The following TNKS2 variants were observed in gnomAD, a reference collection of about 807,000 sequenced individuals.
TNKS2 encodes the protein tankyrase 2, also known as poly [ADP-ribose] polymerase tankyrase-2.
Under a neutral mutation model 137.6 loss-of-function variants are expected in TNKS2, and 72 were observed. The observed-to-expected ratio is 0.52, with a 90% confidence interval of 0.43 to 0.64. The LOEUF (loss-of-function observed/expected upper bound fraction) is 0.64. Among genes scored for constraint, TNKS2 ranks in the 30% least tolerant of loss-of-function variants. The probability of loss-of-function intolerance (pLI) is 0.00; values close to 1 mark genes in which losing one functional copy is unlikely to be tolerated. For missense variants in TNKS2, 1,049 were observed against 1,410.2 expected (o/e 0.74, Z 4.10); for synonymous variants, 516 against 512.1 (o/e 1.01, Z -0.10).
rs372600217 is a variant in TNKS2, at chr10:91,822,370, C to G, written c.795+8C>G. Reference sequence around the variant, plus strand: ...ACTGAACTTTTGGTCAAGGTTAGTGCTCTTGTACTCTCCTAATTACTTTCT... The same window carrying G: ...ACTGAACTTTTGGTCAAGGTTAGTGGTCTTGTACTCTCCTAATTACTTTCT... On this transcript the variant is annotated splice_region_variant and intron_variant, in intron 7 of 26. Coordinates refer to ENST00000371627, the MANE Select transcript of TNKS2 (RefSeq NM_025235.4). 569 of 1,598,008 alleles carry G rather than the reference C, an allele frequency of 3.6e-4. No homozygotes were observed. The highest frequency in any genetic ancestry group is 4.7e-4 in the Non-Finnish European group (552 of 1,166,052).
chr10:91,829,574 T>A (rs1935031), intron 9 of TNKS2, among the ~76,000 whole-genome samples: 105,870 of 151,656 alleles, frequency 0.7, 38,148 homozygotes, highest in East Asian at 0.91. Flanking sequence ...ATGTGATTTT[T>A]AAAAAAAGTC....
At chr10:91,829,158 C>T (rs1279036775) in intron 9 of TNKS2, among the ~76,000 whole-genome samples, 2 of 152,098 alleles carry the variant, frequency 1.3e-5, no homozygotes, top group Non-Finnish European at 2.9e-5. Context: ...GGTAGCCTTA[C>T]TTACCTAATA....
In TNKS2 at chr10:91,813,222, T is replaced by G. The variant is rs111617169; in HGVS notation, c.424+15T>G. 3 of 1,601,672 alleles carry G rather than the reference T, an allele frequency of 1.9e-6. No individual in the cohort carries two copies. Among genetic ancestry groups the G allele is most frequent in the Non-Finnish European group, 2.6e-6 (3 of 1,169,346 alleles). On this transcript the variant is annotated intron_variant, in intron 2 of 26. Transcript: ENST00000371627. ...TGTTTGCATTGGTAAGACTGTTTAC[T>G]TTTCCGACTTTTACTAATGTTGTAA...
At position 91,863,982 on chromosome 10, in the gene TNKS2, G is replaced by A. The variant is rs1418254481; in HGVS notation, c.*983G>A. On this transcript the variant is annotated 3_prime_UTR_variant, in exon 27 of 27. Transcript: ENST00000371627. ...CTATTCTAATTACCTTAAATCTAAA[G>A]GGGAAAAAAAAAATCACAAACAGGA... is the stretch of plus-strand genomic sequence containing the variant. 1 of 151,282 alleles carries A rather than the reference G, an allele frequency of 6.6e-6. No homozygotes were observed. The highest frequency in any genetic ancestry group is 2.4e-5 in the African/African-American group (1 of 41,170). The allele number at this position is 151,282 out of a possible 1,614,324, so 9.4% of individuals were successfully genotyped here. A position where few individuals can be genotyped will look rare whatever the true frequency, so the allele number is the denominator to read the frequency against.
intron 1 of TNKS2, among the ~76,000 whole-genome samples, chr10:91,810,915 C>CTTTTTTTTTTTTTTTTTTTT (rs1564604368): frequency 2.6e-5 from 2 of 76,716 alleles, no homozygotes; most frequent in East Asian, 4.8e-4. Flanking sequence ...TCTCTCTTTT[C>CTTTTTTTTTTTTTTTTTTTT]TTTTCTTTTT....
At position 91,833,882 on chromosome 10, in the gene TNKS2, T is replaced by A. The variant is rs944515135; in HGVS notation, c.1305T>A (p.Thr435=). 1 of 1,605,358 alleles carries A rather than the reference T, an allele frequency of 6.2e-7. No homozygotes were observed. Among genetic ancestry groups the A allele is most frequent in the Non-Finnish European group, 8.5e-7 (1 of 1,177,376 alleles). ...ATGCTCTGGATAATCTTGGTCAGAC[T>A]TCTCTACACAGAGCTGCATATTGTG... ...KVNALDNLGQ[T]SLHRAAYCGH... Residue 435 remains threonine, a synonymous_variant, in exon 12 of 27, where the codon ACT becomes ACA. Coordinates refer to ENST00000371627, the MANE Select transcript of TNKS2 (RefSeq NM_025235.4).
intron 7 of TNKS2, among the ~76,000 whole-genome samples, chr10:91,826,271 T>C (rs976796798): frequency 2.0e-5 from 3 of 152,348 alleles, no homozygotes; most frequent in African/African-American, 4.8e-5. Context: ...TGTGTCGTCA[T>C]GTCGGTATTC....
At chr10:91,831,646 A>AATT (rs1845251059) in intron 11 of TNKS2, among the ~76,000 whole-genome samples, 1 of 152,206 alleles carries the variant, frequency 6.6e-6, no homozygotes, top group African/African-American at 2.4e-5. Flanking sequence ...AAAACATAAT[A>AATT]GCTCCCCATG....
At chr10:91,806,490 C>T (rs1844329662) in intron 1 of TNKS2, among the ~76,000 whole-genome samples, 1 of 152,152 alleles carries the variant, frequency 6.6e-6, no homozygotes, top group Middle Eastern at 3.4e-3. Context: ...ATCATCATTC[C>T]ATTCATACAC....
At chr10:91,824,011 G>C (rs1844991084) in intron 7 of TNKS2, among the ~76,000 whole-genome samples, 1 of 152,170 alleles carries the variant, frequency 6.6e-6, no homozygotes, top group South Asian at 2.1e-4. Flanking sequence ...AGTTGCTATG[G>C]ATAAGAATGA....
chr10:91,850,261 C>A (rs560554273), intron 20 of TNKS2, among the ~76,000 whole-genome samples: 1 of 150,234 alleles, frequency 6.7e-6, no homozygotes. Flanking sequence ...CCCACCTACT[C>A]GGGAGGCTGA....
intron 1 of TNKS2, among the ~76,000 whole-genome samples, chr10:91,811,301 T>G (rs1364000513): frequency 6.6e-6 from 1 of 151,708 alleles, no homozygotes; most frequent in Non-Finnish European, 1.5e-5. Flanking sequence ...CCTTCCTTGC[T>G]CATCTCCTTT....
intron 1 of TNKS2, among the ~76,000 whole-genome samples, chr10:91,805,950 G>A (rs536034467): frequency 1.5e-3 from 227 of 152,118 alleles, no homozygotes; most frequent in South Asian, 2.7e-3. Flanking sequence ...GAAGTGATCA[G>A]GAAGGAAGGC....
chr10:91,842,287 C>G lies in TNKS2; in HGVS notation c.1955C>G (p.Ala652Gly). Residue 652 changes from alanine (A) to glycine (G), a missense_variant, in exon 16 of 27, where the codon GCT becomes GGT. By Grantham distance (60) the Ala-to-Gly change is moderately conservative (BLOSUM62 0). This residue lies in a region of TNKS2 where 328 missense variants were observed against 436.0 expected (regional missense o/e 0.75). Transcript: ENST00000371627. ...AGGGGAGATGCAGCTTTGCTAGATG[C>G]TGCCAAGAAGGGTTGTTTAGCCAGA... ...LLRGDAALLD[A>G]AKKGCLARVK... 3.1e-6 allele frequency: 5 copies of G among 1,614,078 alleles called. No individual in the cohort carries two copies. Among genetic ancestry groups the G allele is most frequent in the Non-Finnish European group, 3.4e-6 (4 of 1,179,990 alleles).
At chr10:91,801,536 C>T (rs1272467503) in intron 1 of TNKS2, among the ~76,000 whole-genome samples, 1 of 151,730 alleles carries the variant, frequency 6.6e-6, no homozygotes, top group Admixed American at 6.6e-5. Context: ...TGCAGCGTCA[C>T]GATCTCAGCT....
rs562288387 is a variant in TNKS2 at position 91,855,255 on chromosome 10, TTATC to T, written c.2913+132_2913+135del. ...CCTATAAAATCTGTTTTCAAGCTGA[TTATC>T]TAATATTACTAGAGTAATATTACTC... On this transcript the variant is annotated intron_variant, in intron 22 of 26. Transcript: ENST00000371627. 181 of 660,544 alleles carry T rather than the reference TTATC, an allele frequency of 2.7e-4. No individual in the cohort carries two copies. The East Asian group carries it at 4.3e-3, about 16-fold the overall frequency. 40.9% of individuals were successfully genotyped at this position (660,544 alleles called of 1,614,324 possible).
chr10:91,807,275 T>G (rs1844352706), intron 1 of TNKS2: 2 of 1,612,272 alleles, frequency 1.2e-6, no homozygotes, highest in Middle Eastern at 1.8e-4. Flanking sequence ...CATCTTGAGC[T>G]TGGTCTGTTT....
intron 1 of TNKS2, among the ~76,000 whole-genome samples, chr10:91,810,165 C>T (rs533862352): frequency 1.3e-5 from 2 of 152,192 alleles, no homozygotes; most frequent in African/African-American, 4.8e-5. Context: ...TACTTGAGGT[C>T]AGAAGTTCGA....
chr10:91,848,028 G>A (rs940334585), intron 18 of TNKS2, among the ~76,000 whole-genome samples: 6 of 151,986 alleles, frequency 3.9e-5, no homozygotes, highest in East Asian at 1.9e-4. Flanking sequence ...ATCCCTTATC[G>A]GAAATGCTTA....
Sources: allele counts gnomAD v4.1 joint callset (sites outside exome capture counted in the v4.1 genomes callset), GRCh38; gene constraint gnomAD v4.1.1; regional missense constraint gnomAD v4.1.1; transcripts MANE v1.5; gene names NCBI Gene and HGNC (gene_info 2026-07-23, HGNC 2026-07-21).